Variants in CALD1 observed in about 807,000 individuals in gnomAD.
CALD1 encodes caldesmon.
A neutral mutation model predicts 99.9 loss-of-function variants in CALD1; 33 were observed. That is an observed-to-expected ratio of 0.33 (90% CI 0.25 to 0.44). The LOEUF is 0.44. Among genes scored for constraint, CALD1 ranks in the 20% least tolerant of loss-of-function variants. CALD1 has a pLI of 1.00. For missense variants in CALD1, 861 were observed against 962.1 expected, an observed-to-expected ratio of 0.89 and a Z score of 1.39; for synonymous variants, 310 against 325.0, an observed-to-expected ratio of 0.95 and a Z score of 0.50.
intron 1 of CALD1, among the ~76,000 whole-genome samples, chr7:134,823,590 G>A (rs1001773082): frequency 3.3e-5 from 5 of 151,968 alleles, no homozygotes; most frequent in African/African-American, 1.2e-4. Context: ...AAAATCCTGT[G>A]GAATAAAGAT....
At chr7:134,859,777 C>T (rs1180868700) in intron 2 of CALD1, among the ~76,000 whole-genome samples, 1 of 152,160 alleles carries the variant, frequency 6.6e-6, no homozygotes, top group African/African-American at 2.4e-5. Flanking sequence ...TGTGATAACA[C>T]TTGAAGATGC....
At chr7:134,961,390 G>A (rs1808250969) in intron 13 of CALD1, 1 of 152,112 alleles carries the variant, frequency 6.6e-6, no homozygotes, top group Non-Finnish European at 1.5e-5. Flanking sequence ...CTTTGTTGGT[G>A]CCCAAGGGAG....
Position 134,933,797 on chromosome 7 carries a change from A to G in CALD1, c.1028A>G (p.Gln343Arg). The G allele has an allele frequency of 6.4e-7, 1 of 1,555,136 alleles. No homozygotes were observed. Among genetic ancestry groups the G allele is most frequent in the East Asian group, 2.4e-5 (1 of 41,042 alleles). ...GAGAAAAGGGCAGCAGAGGAGAGGCAGAGGATAAAGGAGGAAGAGAAAAGG... is the reference window on the plus strand; with the variant it reads ...GAGAAAAGGGCAGCAGAGGAGAGGCGGAGGATAAAGGAGGAAGAGAAAAGG... ...EEEKRAAEER[Q>R]RIKEEEKRAA... Residue 343 changes from glutamine to arginine, a missense_variant, in exon 5 of 15, where the codon CAG (glutamine) becomes CGG (arginine). Around this residue, in one of 5 missense-constraint regions of CALD1, gnomAD observed 21 missense variants for 47.5 expected, o/e 0.44. Coordinates refer to ENST00000361675, the MANE Select transcript of CALD1 (RefSeq NM_033138.4).
the CALD1 span, among the ~76,000 whole-genome samples, chr7:134,730,674 A>T: frequency 6.6e-6 from 1 of 152,268 alleles, no homozygotes. Context: ...TTAGAATAAA[A>T]AAATAAATAA....
chr7:134,872,719 C>T (rs1033651470), intron 3 of CALD1, among the ~76,000 whole-genome samples: 2 of 152,106 alleles, frequency 1.3e-5, no homozygotes, highest in Non-Finnish European at 2.9e-5. Context: ...ATGGAATGAG[C>T]AGTAATCAGT....
chr7:134,932,478 C>T (rs190545823), intron 4 of CALD1, among the ~76,000 whole-genome samples: 12 of 152,312 alleles, frequency 7.9e-5, no homozygotes, highest in Admixed American at 2.6e-4. Context: ...CCAGAAACAA[C>T]GATTTGACTG....
intron 3 of CALD1, among the ~76,000 whole-genome samples, chr7:134,922,211 A>C (rs1389322328): frequency 6.6e-6 from 1 of 152,200 alleles, no homozygotes; most frequent in East Asian, 1.9e-4. Context: ...TGTACTCTCT[A>C]TAGACTTAAA....
At chr7:134,856,159 G>A (rs370023597) in intron 2 of CALD1, among the ~76,000 whole-genome samples, 3 of 152,248 alleles carry the variant, frequency 2.0e-5, no homozygotes, top group Middle Eastern at 3.4e-3. Flanking sequence ...TTGAATCCTC[G>A]AACTGTTGCC....
Position 134,759,433 on chromosome 7 carries a change from AG to A in CALD1, c.-130+15074del, listed in dbSNP as rs1472112179. 3.3e-5 allele frequency among the ~76,000 whole-genome samples: 5 copies of A among 152,320 alleles called. No individual in the cohort carries two copies. In the East Asian group the frequency reaches 9.6e-4, roughly 29 times the overall value. On this transcript the variant is annotated intron_variant, in intron 1 of 13. Coordinates refer to the CALD1 transcript ENST00000417172. Reference sequence around the variant, plus strand: ...TCATAAAGGTTACCTAGAAGGCCAGAGGGGAGCTAGCTGGACACAGATACGG... The same window carrying A: ...TCATAAAGGTTACCTAGAAGGCCAGAGGGAGCTAGCTGGACACAGATACGG...
rs537209535 is a variant in CALD1 at position 134,805,312 on chromosome 7, T to C, written c.-130+25563T>C. On this transcript the variant is annotated intron_variant, in intron 1 of 14. Coordinates refer to ENST00000361675, the MANE Select transcript of CALD1 (RefSeq NM_033138.4). ...CTCTGATTTTGTATTTTCTTAACTA[T>C]ATTCTACTTTTCTGTATCTTATTCT... Among the ~76,000 whole-genome samples, 140 of 152,354 alleles carry C rather than the reference T, an allele frequency of 9.2e-4. 1 individual carries two copies. Among genetic ancestry groups the C allele is most frequent in the Non-Finnish European group, 1.5e-3 (104 of 68,036 alleles).
At chr7:134,934,111 C>G (rs780721505) in intron 5 of CALD1, 34 bp downstream of exon 5, 21 of 1,576,870 alleles carry the variant, frequency 1.3e-5, no homozygotes, top group Non-Finnish European at 1.6e-5. Context: ...ATGTGTGATG[C>G]CTGTGACTTG....
At chr7:134,861,916 C>T (rs140265974) in intron 2 of CALD1, among the ~76,000 whole-genome samples, 1 of 152,114 alleles carries the variant, frequency 6.6e-6, no homozygotes, top group Non-Finnish European at 1.5e-5. Flanking sequence ...GAAGAAGGTA[C>T]AATATAAGAG....
intron 3 of CALD1, among the ~76,000 whole-genome samples, chr7:134,925,789 C>A (rs183614632): frequency 6.6e-6 from 1 of 152,280 alleles, no homozygotes; most frequent in Admixed American, 6.5e-5. Context: ...CTAACCCTAT[C>A]AATAGGGATG....
intron 3 of CALD1, among the ~76,000 whole-genome samples, chr7:134,887,326 G>C (rs1586204261): frequency 6.6e-6 from 1 of 152,322 alleles, no homozygotes; most frequent in East Asian, 1.9e-4. Context: ...AAGGAGGAAA[G>C]AGATGCTGCC....
At chr7:134,893,215 G>A (rs1223721680) in intron 3 of CALD1, among the ~76,000 whole-genome samples, 1 of 151,920 alleles carries the variant, frequency 6.6e-6, no homozygotes, top group African/African-American at 2.4e-5. Context: ...ACCTCTCACC[G>A]GGATGGTTGT....
At chr7:134,906,336 T>C (rs1433719484) in intron 3 of CALD1, among the ~76,000 whole-genome samples, 1 of 152,188 alleles carries the variant, frequency 6.6e-6, no homozygotes, top group Non-Finnish European at 1.5e-5. Context: ...GCCCCCACTT[T>C]GGGGTTGGCC....
At position 134,968,577 on chromosome 7, in the gene CALD1, T is replaced by C. The variant is rs748839723; in HGVS notation, c.*232T>C. 2.9e-6 allele frequency: 2 copies of C among 694,754 alleles called. No homozygotes were observed. The highest frequency in any genetic ancestry group is 3.0e-5 in the South Asian group (2 of 66,690). 43.0% of individuals were successfully genotyped at this position (694,754 alleles called of 1,614,324 possible). On this transcript the variant is annotated 3_prime_UTR_variant, in exon 15 of 15. Transcript: ENST00000361675. ...AGGAGCCTGTTTCTAAAGAAACCCA[T>C]GCTGTGAAATAGAGACTTTTCTACT...
chr7:134,878,837 G>A (rs1163312420), intron 3 of CALD1, among the ~76,000 whole-genome samples: 1 of 151,884 alleles, frequency 6.6e-6, no homozygotes, highest in African/African-American at 2.4e-5. Context: ...ATGTGGTAGT[G>A]TGTGCCTGTA....
Position 134,970,036 on chromosome 7 carries a change from T to C in CALD1, c.*1691T>C. 1 of 152,292 alleles carries C rather than the reference T, an allele frequency of 6.6e-6. No homozygotes were observed. Among genetic ancestry groups the C allele is most frequent in the East Asian group, 1.9e-4 (1 of 5,194 alleles). The allele number at this position is 152,292 out of a possible 1,614,324, so 9.4% of individuals were successfully genotyped here. On this transcript the variant is annotated 3_prime_UTR_variant, in exon 15 of 15. Transcript: ENST00000361675. Reference sequence around the variant, plus strand: ...GAGAAGTGACATCTGCGTTACAAAGTCTATCTTCCTCATAAGTCTGTAAAG... The same window carrying C: ...GAGAAGTGACATCTGCGTTACAAAGCCTATCTTCCTCATAAGTCTGTAAAG...
Sources: gnomAD v4.1 joint callset for allele counts (sites outside exome capture counted in the v4.1 genomes callset) on GRCh38, gnomAD v4.1.1 for gene constraint, gnomAD v4.1.1 regional missense constraint, MANE v1.5 for transcripts, NCBI Gene and HGNC (gene_info 2026-07-23, HGNC 2026-07-21) for gene names.